PPP1R12C: variants seen among roughly 807,000 people sequenced by gnomAD.
PPP1R12C encodes the protein protein phosphatase 1 regulatory subunit 12C.
PPP1R12C carries 48 observed loss-of-function variants against 95.6 expected under a neutral mutation model. The observed-to-expected ratio is 0.50, with a 90% CI of 0.40 to 0.64. The LOEUF (loss-of-function observed/expected upper bound fraction) is 0.64. PPP1R12C is among the 30% of genes least tolerant of loss of function. PPP1R12C has a pLI of 0.00. For synonymous variants in PPP1R12C, 480 were observed against 460.8 expected (o/e 1.04, Z -0.53); for missense variants, 1,057 against 1,083.3 (o/e 0.98, Z 0.34).
chr19:55,113,875 A>G (rs979730503), intron 1 of PPP1R12C: 1 of 172,570 alleles, frequency 5.8e-6, no homozygotes, highest in Non-Finnish European at 1.2e-5. Flanking sequence ...CCTGCCCAGT[A>G]CAGGCATCCC....
chr19:55,103,370 G>T (rs757787836), intron 4 of PPP1R12C, 39 bp downstream of exon 4: 1 of 1,418,250 alleles, frequency 7.1e-7, no homozygotes, highest in East Asian at 2.6e-5. Context: ...CCACAGGAAG[G>T]TATAAGACAG....
At chr19:55,103,625 G>T in intron 3 of PPP1R12C, 57 bp from the exon 4 acceptor site, 1 of 1,434,124 alleles carries the variant, frequency 7.0e-7, no homozygotes, top group Non-Finnish European at 9.3e-7. Context: ...AAATACCCAG[G>T]GTCATACACT....
At chr19:55,101,518 G>A (rs916606446) in intron 4 of PPP1R12C, among the ~76,000 whole-genome samples, 6 of 152,216 alleles carry the variant, frequency 3.9e-5, no homozygotes, top group South Asian at 2.1e-4. Context: ...GGATGCTGGC[G>A]TTAAGTGGTG....
At position 55,092,511 on chromosome 19, in the gene PPP1R12C, C is replaced by G. The variant is rs766512009; in HGVS notation, c.1986G>C (p.Gln662His). Residue 662 changes from glutamine (Q) to histidine (H), a missense_variant, in exon 18 of 22, where the codon CAG becomes CAC. Gln to His is a conservative substitution (Grantham distance 24). This residue lies in a region of PPP1R12C where 347 missense variants were observed against 307.9 expected (regional missense o/e 1.13). Coordinates refer to ENST00000263433, the MANE Select transcript of PPP1R12C (RefSeq NM_017607.4). ...TLEGGPSARR[Q>H]RWQRDLNPEP... ...CTGGGTTGAGGTCCCGCTGCCACCGCTGCCTGCGGGCCGAGGGGCCGCCCT... is the reference window on the plus strand; with the variant it reads ...CTGGGTTGAGGTCCCGCTGCCACCGGTGCCTGCGGGCCGAGGGGCCGCCCT... The G allele has an allele frequency of 1.2e-6, 2 of 1,609,126 alleles. No homozygotes were observed. The highest frequency in any genetic ancestry group is 1.7e-6 in the Non-Finnish European group (2 of 1,178,226).
intron 11 of PPP1R12C, 53 bp from the exon 12 acceptor site, chr19:55,094,851 C>T: frequency 6.5e-7 from 1 of 1,539,900 alleles, no homozygotes; most frequent in Non-Finnish European, 8.8e-7. Flanking sequence ...TGTGTGCCGG[C>T]ACTGGAGATG....
chr19:55,112,886 C>A, intron 1 of PPP1R12C, 91 bp from the exon 2 acceptor site: 1 of 1,544,540 alleles, frequency 6.5e-7, no homozygotes, highest in South Asian at 1.1e-5. Context: ...AAAACAGATC[C>A]AGGGACACGG....
intron 3 of PPP1R12C, 78 bp from the exon 4 acceptor site, chr19:55,103,646 G>T (rs1383773286): frequency 7.3e-7 from 1 of 1,376,510 alleles, no homozygotes; most frequent in East Asian, 2.6e-5. Context: ...GGGCTGGCCA[G>T]GGTTCAGCCC....
At chr19:55,116,967 G>GT (rs559342315) in intron 1 of PPP1R12C, among the ~76,000 whole-genome samples, 77 of 152,314 alleles carry the variant, frequency 5.1e-4, no homozygotes, top group Non-Finnish European at 9.0e-4. Flanking sequence ...AAGGGGAATG[G>GT]TAAGGAGGCC....
rs7255009 is a variant in PPP1R12C at position 55,109,094 on chromosome 19, C to T, written c.571+3373G>A. On this transcript the variant is annotated intron_variant, in intron 3 of 21. Transcript: ENST00000263433. This position sits in a 1 kb window ranked among gnomAD's most constrained non-coding sequence, Gnocchi z 4.4. ...GCTATTGTGAACGATGCTATGAACA[C>T]GGGTATATAAATTGCCTTTTTTGTT... is the stretch of plus-strand genomic sequence containing the variant. Among the ~76,000 whole-genome samples, 5,364 of 152,134 alleles carry T rather than the reference C, an allele frequency of 0.035. 277 individuals carry two copies. The highest frequency in any genetic ancestry group is 0.12 in the African/African-American group (5,045 of 41,456).
intron 12 of PPP1R12C, 70 bp from the exon 13 acceptor site, chr19:55,094,505 C>A: frequency 6.2e-7 from 1 of 1,601,288 alleles, no homozygotes; most frequent in Non-Finnish European, 8.5e-7. Flanking sequence ...TGACACCCTC[C>A]GCGGGAAGCA....
intron 1 of PPP1R12C, chr19:55,113,399 C>A (rs1282217829): frequency 2.0e-6 from 3 of 1,475,944 alleles, no homozygotes; most frequent in African/African-American, 1.4e-5. Flanking sequence ...CACCTGTGTG[C>A]CTGGGCCCCA....
At position 55,094,725 on chromosome 19, in the gene PPP1R12C, G is replaced by T; in HGVS notation, c.1528C>A (p.Pro510Thr). The T allele has an allele frequency of 6.2e-7, 1 of 1,610,348 alleles. No individual in the cohort carries two copies. The highest frequency in any genetic ancestry group is 1.1e-5 in the South Asian group (1 of 90,116). ...GCTGTGGGGACGTTTGGCTTCGCTG[G>T]GGATTCAGGCTCCGGAATCCTGGAG... is the stretch of plus-strand genomic sequence containing the variant. ...PPSRIPEPES[P>T]AKPNVPTAST... The change falls in exon 12 of 22, where the codon CCA becomes ACA. Residue 510 changes from proline to threonine, a missense_variant. Coordinates refer to ENST00000263433, the MANE Select transcript of PPP1R12C (RefSeq NM_017607.4).
rs376301631 is a variant in PPP1R12C at position 55,093,057 on chromosome 19, C to A, written c.1784G>T (p.Arg595Leu). The part of the protein sequence containing the change: ...AQSLDPSRRP[R>L]VPGVENSDSP... ...GTCAGAGTTCTCCACTCCAGGGACG[C>A]GGGGCCTTCGGGAAGGGTCCTGTCG... The change falls in exon 15 of 22, where the codon CGC becomes CTC. Residue 595 changes from arginine to leucine, a missense_variant. Transcript: ENST00000263433. The A allele has an allele frequency of 3.3e-5, 53 of 1,600,082 alleles. No homozygotes were observed. Among genetic ancestry groups the A allele is most frequent in the Non-Finnish European group, 4.4e-5 (52 of 1,172,852 alleles).
At chr19:55,116,852 G>C (rs1424746387) in intron 1 of PPP1R12C, among the ~76,000 whole-genome samples, 1 of 152,230 alleles carries the variant, frequency 6.6e-6, no homozygotes, top group Non-Finnish European at 1.5e-5. Context: ...AACATCGGAA[G>C]AGGGGAAGTC....
At chr19:55,098,069 C>T (rs1323745937) in intron 6 of PPP1R12C, among the ~76,000 whole-genome samples, 4 of 152,226 alleles carry the variant, frequency 2.6e-5, no homozygotes, top group Non-Finnish European at 5.9e-5. Context: ...GTCTCCGCTC[C>T]CCTGCCCACG....
intron 6 of PPP1R12C, among the ~76,000 whole-genome samples, chr19:55,098,362 CCCTTCACT>C (rs2084945353): frequency 6.6e-6 from 1 of 152,240 alleles, no homozygotes; most frequent in Non-Finnish European, 1.5e-5. Flanking sequence ...AAGGCTCACG[CCCTTCACT>C]CCTTCACTCT....
At chr19:55,103,857 A>G (rs188822845) in intron 3 of PPP1R12C, among the ~76,000 whole-genome samples, 204 of 152,064 alleles carry the variant, frequency 1.3e-3, no homozygotes, top group African/African-American at 4.8e-3. Context: ...ATTATTTTTA[A>G]TATAAAACCA....
chr19:55,096,179 C>CT lies in PPP1R12C; in HGVS notation c.1026-2dup. 6.2e-7 allele frequency: 1 copy of CT among 1,607,644 alleles called. No homozygotes were observed. Among genetic ancestry groups the CT allele is most frequent in the Admixed American group, 1.7e-5 (1 of 59,170 alleles). ...ACTGCTCAGACGACACACAGAGCTC[C>CT]TGTTGGGGAAGGAGAGGGTGCTGGG... On this transcript the variant is annotated splice_acceptor_variant, in intron 7 of 21. Transcript: ENST00000263433. LOFTEE classifies it high-confidence loss of function.
chr19:55,104,255 T>C (rs1313447983), intron 3 of PPP1R12C, among the ~76,000 whole-genome samples: 1 of 145,152 alleles, frequency 6.9e-6, no homozygotes, highest in Non-Finnish European at 1.5e-5. Context: ...ATATATAATA[T>C]ATATATAACA....
Sources: gnomAD v4.1 joint callset for allele counts (sites outside exome capture counted in the v4.1 genomes callset) on GRCh38, gnomAD v4.1.1 for gene constraint, gnomAD v4.1.1 regional missense constraint, Gnocchi (gnomAD v3.1) non-coding constraint, MANE v1.5 for transcripts, NCBI Gene and HGNC (gene_info 2026-07-23, HGNC 2026-07-21) for gene names.